Variants in ZBTB44 observed in about 807,000 individuals in gnomAD.
ZBTB44 encodes zinc finger and BTB domain-containing protein 44.
ZBTB44 carries 15 observed loss-of-function variants against 54.0 expected under a neutral mutation model. The observed-to-expected ratio is 0.28, with a 90% CI of 0.19 to 0.43. ZBTB44 has a LOEUF of 0.43. Among genes scored for constraint, ZBTB44 ranks in the 20% least tolerant of loss-of-function variants. The pLI, the probability that ZBTB44 is intolerant of heterozygous loss-of-function variation, is 1.00. For synonymous variants in ZBTB44, 230 were observed against 250.1 expected (o/e 0.92, Z 0.76); for missense variants, 487 against 707.1 (o/e 0.69, Z 3.53).
chr11:130,232,853 G>A (rs1291641829), intron 7 of ZBTB44: 1 of 152,714 alleles, frequency 6.5e-6, no homozygotes, highest in East Asian at 1.9e-4. Context: ...TAAAAATGAA[G>A]TTAACCAGGT....
At chr11:130,238,805 T>A (rs1332461981) in intron 3 of ZBTB44, 198 bp from the exon 4 acceptor site, 1 of 584,134 alleles carries the variant, frequency 1.7e-6, no homozygotes, top group South Asian at 2.9e-5. Context: ...TTTTTTTTTT[T>A]ATTTTTTGAG....
At chr11:130,295,049 G>A (rs1207620884) in intron 1 of ZBTB44, among the ~76,000 whole-genome samples, 1 of 151,970 alleles carries the variant, frequency 6.6e-6, no homozygotes, top group Non-Finnish European at 1.5e-5. Flanking sequence ...GTGTGACGTC[G>A]TGATCTAGGC....
intron 1 of ZBTB44, among the ~76,000 whole-genome samples, chr11:130,304,577 C>T (rs1339306563): frequency 2.0e-5 from 3 of 151,944 alleles, no homozygotes; most frequent in Admixed American, 2.0e-4. Context: ...TACACAGCTG[C>T]CAATACTGCT....
intron 1 of ZBTB44, chr11:130,296,032 T>C (rs1941621420): frequency 1.3e-6 from 2 of 1,577,718 alleles, no homozygotes; most frequent in Non-Finnish European, 1.7e-6. Flanking sequence ...AAACCTGCAG[T>C]GTCTGGTTAT....
chr11:130,240,000 G>T, intron 2 of ZBTB44, 104 bp from the exon 3 acceptor site: 4 of 700,810 alleles, frequency 5.7e-6, no homozygotes, highest in South Asian at 1.7e-5. Context: ...ATATTATCTA[G>T]TGTTCATATC....
chr11:130,250,163 C>A (rs1937883124), intron 2 of ZBTB44, among the ~76,000 whole-genome samples: 1 of 152,158 alleles, frequency 6.6e-6, no homozygotes, highest in South Asian at 2.1e-4. Flanking sequence ...TCCAACTGGG[C>A]AGAACTCAAC....
chr11:130,295,959 C>G, intron 1 of ZBTB44: 1 of 1,532,810 alleles, frequency 6.5e-7, no homozygotes, highest in Non-Finnish European at 9.0e-7. Flanking sequence ...GGATCAACAT[C>G]ACTGTGGCCA....
intron 1 of ZBTB44, chr11:130,296,951 A>T (rs1414779707): frequency 1.2e-5 from 9 of 746,810 alleles, no homozygotes; most frequent in Non-Finnish European, 2.0e-5. Flanking sequence ...AAAAGCGAGG[A>T]GGTGGTGGTG....
At chr11:130,262,727 A>AG (rs1491576895) in intron 1 of ZBTB44, among the ~76,000 whole-genome samples, 1 of 151,956 alleles carries the variant, frequency 6.6e-6, no homozygotes, top group African/African-American at 2.4e-5. Flanking sequence ...AAAGAAAAAA[A>AG]GGAAGTGGAA....
At chr11:130,276,318 G>C (rs1226380765) in intron 1 of ZBTB44, among the ~76,000 whole-genome samples, 1 of 151,348 alleles carries the variant, frequency 6.6e-6, no homozygotes, top group Non-Finnish European at 1.5e-5. Flanking sequence ...ATGTGCACTT[G>C]AGAAGAACAT....
rs117761932 is a variant in ZBTB44, at chr11:130,301,984, C to T, written c.-57+12391G>A. ...CTTGAACCCGGTGAGCCCAGGAGAT[C>T]GAGGCCATAATGAGCCACGATCACA... On this transcript the variant is annotated intron_variant, in intron 1 of 7. Transcript: ENST00000357899. 7.4e-3 allele frequency among the ~76,000 whole-genome samples: 1,089 copies of T among 148,040 alleles called. 30 individuals are homozygous for T. Among genetic ancestry groups the T allele is most frequent in the East Asian group, 0.065 (319 of 4,926 alleles).
At chr11:130,267,371 T>C (rs1265753424) in intron 1 of ZBTB44, among the ~76,000 whole-genome samples, 1 of 152,068 alleles carries the variant, frequency 6.6e-6, no homozygotes, top group Non-Finnish European at 1.5e-5. Flanking sequence ...AGTACTGATG[T>C]CAAAGCTGCA....
At chr11:130,312,042 G>A (rs979410168) in intron 1 of ZBTB44, among the ~76,000 whole-genome samples, 1 of 152,126 alleles carries the variant, frequency 6.6e-6, no homozygotes, top group African/African-American at 2.4e-5. Flanking sequence ...CATTGGGGGT[G>A]GCTATTTCTC....
rs1457777292 is a variant in ZBTB44, at chr11:130,230,555, T to G, written c.*1209A>C. On this transcript the variant is annotated 3_prime_UTR_variant, in exon 8 of 8. Transcript: ENST00000357899. ...GAGGCTATTTAAACATTTTAGTATA[T>G]TTTGTCTTACTGAAATTGATAAAAA... The G allele has an allele frequency of 6.6e-6, 1 of 151,072 alleles. No homozygotes were observed. The highest frequency in any genetic ancestry group is 2.1e-4 in the South Asian group (1 of 4,806). The allele number at this position is 151,072 out of a possible 1,614,324, so 9.4% of individuals were successfully genotyped here.
At chr11:130,284,218 T>C (rs1940762621) in intron 1 of ZBTB44, among the ~76,000 whole-genome samples, 1 of 152,248 alleles carries the variant, frequency 6.6e-6, no homozygotes, top group South Asian at 2.1e-4. Flanking sequence ...TTATACTGTA[T>C]ATGATGTTAA....
intron 1 of ZBTB44, among the ~76,000 whole-genome samples, chr11:130,266,465 A>G (rs1939257155): frequency 6.6e-6 from 1 of 152,206 alleles, no homozygotes; most frequent in South Asian, 2.1e-4. Flanking sequence ...AAGCCTTATT[A>G]TTTAAGGAAT....
At chr11:130,238,816 A>G in intron 3 of ZBTB44, 1 of 519,752 alleles carries the variant, frequency 1.9e-6, no homozygotes, top group East Asian at 3.7e-5. Context: ...ATTTTTTGAG[A>G]CGGAGTTAGG....
chr11:130,262,024 AG>A, intron 1 of ZBTB44, 95 bp from the exon 2 acceptor site: 1 of 936,138 alleles, frequency 1.1e-6, no homozygotes, highest in Non-Finnish European at 1.5e-6. Flanking sequence ...TAAATTAAAA[AG>A]CTGAAAGATG....
At chr11:130,308,418 C>T (rs1484055449) in intron 1 of ZBTB44, among the ~76,000 whole-genome samples, 1 of 152,190 alleles carries the variant, frequency 6.6e-6, no homozygotes, top group African/African-American at 2.4e-5. Context: ...TAACTCTAAA[C>T]AGCCTTGAAT....
Sources: allele counts gnomAD v4.1 joint callset (sites outside exome capture counted in the v4.1 genomes callset), GRCh38; gene constraint gnomAD v4.1.1; transcripts MANE v1.5; gene names NCBI Gene and HGNC (gene_info 2026-07-23, HGNC 2026-07-21).